CREBZF: variants seen among roughly 807,000 people sequenced by gnomAD.
The protein encoded by CREBZF is HCF-binding transcription factor Zhangfei.
CREBZF carries 8 observed loss-of-function variants against 21.1 expected under a neutral mutation model. That is an observed-to-expected ratio of 0.38 (90% CI 0.22 to 0.68). CREBZF has a LOEUF of 0.68. CREBZF is among the 30% of genes least tolerant of loss of function. The probability of loss-of-function intolerance (pLI) is 0.51; values close to 1 mark genes in which losing one functional copy is unlikely to be tolerated. For synonymous variants in CREBZF, 270 were observed against 223.3 expected, an observed-to-expected ratio of 1.21 and a Z score of -1.86; for missense variants, 518 against 484.3, an observed-to-expected ratio of 1.07 and a Z score of -0.65.
chr11:85,680,807 T>C (rs2153330673), intron 1 of CREBZF, among the ~76,000 whole-genome samples: 1 of 152,342 alleles, frequency 6.6e-6, no homozygotes, highest in East Asian at 1.9e-4. Flanking sequence ...CCAAGACTTG[T>C]GATTAAGGAT....
chr11:85,676,970 C>CTTTTTTTT (rs1422368391), intron 1 of CREBZF, among the ~76,000 whole-genome samples: 2 of 118,638 alleles, frequency 1.7e-5, no homozygotes, highest in Admixed American at 8.8e-5. Flanking sequence ...CTTTTTCTGT[C>CTTTTTTTT]TTTTTTTTTT....
rs1196433028 is a variant in CREBZF, at chr11:85,662,196, G to C, written c.*1615C>G. ...TTCAGGTCTCAAATCGTATTATCTA[G>C]CAACAAAACATTTACAGTTGTGCAA... is the stretch of plus-strand genomic sequence containing the variant. On this transcript the variant is annotated 3_prime_UTR_variant, in exon 1 of 1. Coordinates refer to ENST00000527447, the MANE Select transcript of CREBZF (RefSeq NM_001039618.4). 3 of 555,356 alleles carry C rather than the reference G, an allele frequency of 5.4e-6. No individual in the cohort carries two copies. Among genetic ancestry groups the C allele is most frequent in the East Asian group, 6.0e-5 (2 of 33,570 alleles). 34.4% of individuals were successfully genotyped at this position (555,356 alleles called of 1,614,324 possible).
At chr11:85,679,386 A>T (rs760577313) in intron 1 of CREBZF, among the ~76,000 whole-genome samples, 10 of 152,192 alleles carry the variant, frequency 6.6e-5, no homozygotes, top group Non-Finnish European at 1.0e-4. Flanking sequence ...CCTACCACTT[A>T]GCATAGTGTC....
At chr11:85,665,473 C>G (rs747506147), upstream of CREBZF, among the ~76,000 whole-genome samples, 1 of 149,322 alleles carries the variant, frequency 6.7e-6, no homozygotes, top group Non-Finnish European at 1.5e-5. Flanking sequence ...TTTTCATAAT[C>G]ATAATACTAT....
chr11:85,668,382 C>T (rs951390504), upstream of CREBZF, among the ~76,000 whole-genome samples: 7 of 151,996 alleles, frequency 4.6e-5, no homozygotes, highest in Non-Finnish European at 8.8e-5. Flanking sequence ...TTATTTCTTC[C>T]GTTCTATTTC....
chr11:85,681,026 G>T (rs1485813625), intron 1 of CREBZF, among the ~76,000 whole-genome samples: 1 of 152,174 alleles, frequency 6.6e-6, no homozygotes, highest in East Asian at 1.9e-4. Context: ...AATCATGCTG[G>T]CAACATGCCC....
At position 85,664,974 on chromosome 11, in the gene CREBZF, G is replaced by T; in HGVS notation, c.-99C>A. The stretch of plus-strand genomic sequence containing the variant: ...CCAGGGCGGGTAGCCCCCGGCACTG[G>T]CCGAAACGAAATGCAGGGAAAGGTC... On this transcript the variant is annotated 5_prime_UTR_variant, in exon 1 of 1. Transcript: ENST00000527447. The surrounding 1 kb of genome is among the most constrained non-coding windows in gnomAD (Gnocchi z 5.5). 1 of 817,514 alleles carries T rather than the reference G, an allele frequency of 1.2e-6. No individual in the cohort carries two copies. The highest frequency in any genetic ancestry group is 1.7e-6 in the Non-Finnish European group (1 of 581,494). The allele number at this position is 817,514 out of a possible 1,614,324, so 50.6% of individuals were successfully genotyped here.
At chr11:85,668,795 G>A (rs1193771677), upstream of CREBZF, among the ~76,000 whole-genome samples, 3 of 151,322 alleles carry the variant, frequency 2.0e-5, no homozygotes, top group African/African-American at 2.4e-5. Flanking sequence ...GAGGTCAGGA[G>A]ATCGAGACCA....
At chr11:85,682,604 A>ACCCCCC in intron 1 of CREBZF, 10 of 189,628 alleles carry the variant, frequency 5.3e-5, no homozygotes, top group South Asian at 1.1e-4. Flanking sequence ...CCCCTGCCCT[A>ACCCCCC]CTCCCCCCAA....
intron 1 of CREBZF, among the ~76,000 whole-genome samples, chr11:85,679,163 G>A (rs570811979): frequency 2.0e-5 from 3 of 152,290 alleles, no homozygotes; most frequent in East Asian, 1.9e-4. Context: ...CGAAGCTACT[G>A]TACTCTCATG....
At position 85,671,143 on chromosome 11, in the gene CREBZF, G is replaced by A. The variant is rs184910913; in HGVS notation, n.148-7542C>T. On this transcript the variant is annotated intron_variant and non_coding_transcript_variant, in intron 1 of 3. Coordinates refer to the CREBZF transcript ENST00000531515. ...TTCACAATCATGGTGGAAGGCAAAG[G>A]AAAAGCAAAGGCATGTCTTACATGG... 2.2e-4 allele frequency among the ~76,000 whole-genome samples: 34 copies of A among 152,282 alleles called. No homozygotes were observed. The East Asian group carries it at 6.6e-3, about 29-fold the overall frequency.
rs891990922 is a variant in CREBZF, at chr11:85,674,242, C to G, written n.147+8475G>C. ...TAAGATTTCAAAGTTGAAGTAACTC[C>G]TTGATTCATGGCTTGCAGAATGGAT... On this transcript the variant is annotated intron_variant and non_coding_transcript_variant, in intron 1 of 3. Transcript: ENST00000531515. 2.0e-5 allele frequency among the ~76,000 whole-genome samples: 3 copies of G among 152,188 alleles called. No homozygotes were observed. In the South Asian group the frequency reaches 6.2e-4, roughly 32 times the overall value.
At position 85,664,013 on chromosome 11, in the gene CREBZF, C is replaced by T. The variant is rs978564274; in HGVS notation, c.863G>A (p.Gly288Glu). The T allele has an allele frequency of 1.2e-6, 2 of 1,613,008 alleles. No homozygotes were observed. Among genetic ancestry groups the T allele is most frequent in the Admixed American group, 1.7e-5 (1 of 60,018 alleles). The change falls in exon 1 of 1, where the codon GGA becomes GAA. Residue 288 changes from glycine (G) to glutamate (E), a missense_variant. Around this residue, in one of 3 missense-constraint regions of CREBZF, gnomAD observed 114 missense variants for 134.1 expected, o/e 0.85. Coordinates refer to ENST00000527447, the MANE Select transcript of CREBZF (RefSeq NM_001039618.4). The surrounding 1 kb of genome is among the most constrained non-coding windows in gnomAD (Gnocchi z 5.5). ...GAAGAGCGAGGTGGTCAGCCGCAGT[C>T]CCACGCCGCTCAGCCGGCTCAGCAA... ...ARLLSRLSGV[G>E]LRLTTSLFRD...
At chr11:85,669,026 A>G (rs2082892229), upstream of CREBZF, among the ~76,000 whole-genome samples, 2 of 140,154 alleles carry the variant, frequency 1.4e-5, no homozygotes, top group African/African-American at 2.7e-5. Context: ...AAAAAAAAAA[A>G]AAAAAAAAAA....
intron 1 of CREBZF, among the ~76,000 whole-genome samples, chr11:85,681,116 G>A (rs750783610): frequency 7.9e-5 from 12 of 152,220 alleles, no homozygotes; most frequent in Non-Finnish European, 1.6e-4. Context: ...TCTGGAGGGG[G>A]AGGGTAGGCT....
Position 85,663,978 on chromosome 11 carries a change from G to A in CREBZF, c.898C>T (p.Pro300Ser), listed in dbSNP as rs2082767618. 1 of 1,613,198 alleles carries A rather than the reference G, an allele frequency of 6.2e-7. No individual in the cohort carries two copies. Among genetic ancestry groups the A allele is most frequent in the South Asian group, 1.1e-5 (1 of 91,070 alleles). Reference sequence around the variant, plus strand: ...AGAGCGTAGTCGTGGTCACCGGCGGGCGAGTCTCTGAAGAGCGAGGTGGTC... The same window carrying A: ...AGAGCGTAGTCGTGGTCACCGGCGGACGAGTCTCTGAAGAGCGAGGTGGTC... ...RLTTSLFRDS[P>S]AGDHDYALPV... Residue 300 changes from proline (P) to serine (S), a missense_variant, in exon 1 of 1, where the codon CCC (proline) becomes TCC (serine). This residue lies in a region of CREBZF where 114 missense variants were observed against 134.1 expected (regional missense o/e 0.85). Coordinates refer to ENST00000527447, the MANE Select transcript of CREBZF (RefSeq NM_001039618.4).
chr11:85,682,214 C>T (rs1296800418), intron 1 of CREBZF, among the ~76,000 whole-genome samples: 1 of 152,120 alleles, frequency 6.6e-6, no homozygotes, highest in South Asian at 2.1e-4. Flanking sequence ...CTCTCTTAGT[C>T]TCCCTTTTTT....
At chr11:85,673,367 T>C (rs1194048657) in intron 1 of CREBZF, among the ~76,000 whole-genome samples, 2 of 152,158 alleles carry the variant, frequency 1.3e-5, no homozygotes, top group Non-Finnish European at 2.9e-5. Context: ...AAAGTGAATA[T>C]CATAATAAAG....
chr11:85,665,638 A>G (rs534085719), upstream of CREBZF, among the ~76,000 whole-genome samples: 14 of 151,906 alleles, frequency 9.2e-5, no homozygotes, highest in South Asian at 2.1e-4. Flanking sequence ...CCCAATGAAT[A>G]TGACAGTTAT....
Sources: gnomAD v4.1 joint callset for allele counts (sites outside exome capture counted in the v4.1 genomes callset) on GRCh38, gnomAD v4.1.1 for gene constraint, gnomAD v4.1.1 regional missense constraint, Gnocchi (gnomAD v3.1) non-coding constraint, MANE v1.5 for transcripts, NCBI Gene and HGNC (gene_info 2026-07-23, HGNC 2026-07-21) for gene names.